MAK16: variants seen among roughly 807,000 people sequenced by gnomAD.
MAK16 encodes the protein MAK16 homolog.
MAK16 carries 12 observed loss-of-function variants against 49.9 expected under a neutral mutation model. The observed-to-expected ratio is 0.24, with a 90% CI of 0.15 to 0.39. MAK16 has a LOEUF of 0.39. MAK16 is among the 10% of genes least tolerant of loss of function. MAK16 has a pLI of 1.00. For synonymous variants in MAK16, 115 were observed against 126.4 expected (o/e 0.91, Z 0.60); for missense variants, 292 against 363.7 (o/e 0.80, Z 1.60).
At chr8:33,487,666 G>A (rs1327620830) in intron 1 of MAK16, among the ~76,000 whole-genome samples, 4 of 123,240 alleles carry the variant, frequency 3.2e-5, no homozygotes, top group Admixed American at 8.3e-5. Context: ...CAAGTGATCC[G>A]CCTGCCTTGG....
intron 6 of MAK16, among the ~76,000 whole-genome samples, chr8:33,493,929 T>C (rs1808815952): frequency 6.6e-6 from 1 of 152,172 alleles, no homozygotes; most frequent in Non-Finnish European, 1.5e-5. Flanking sequence ...TTTTTTTTTT[T>C]TCAAAAAACA....
At position 33,488,817 on chromosome 8, in the gene MAK16, C is replaced by G; in HGVS notation, c.240+19C>G. The G allele has an allele frequency of 6.2e-7, 1 of 1,613,606 alleles. No homozygotes were observed. Among genetic ancestry groups the G allele is most frequent in the Non-Finnish European group, 8.5e-7 (1 of 1,179,518 alleles). On this transcript the variant is annotated intron_variant, in intron 4 of 9. Transcript: ENST00000360128. The stretch of plus-strand genomic sequence containing the variant: ...GGAACGGGTAAGCCTTACAACAAAA[C>G]TACAGTGACCGCTGATCAAGAGCAT...
In MAK16 at chr8:33,488,944, A is replaced by G. The variant is rs575394850; in HGVS notation, c.241-44A>G. ...GTCACTGACAGTGAAAACCTAATGA[A>G]TCATTTACACTTGCCCTTCAAACTT... is the stretch of plus-strand genomic sequence containing the variant. On this transcript the variant is annotated intron_variant, in intron 4 of 9. Coordinates refer to ENST00000360128, the MANE Select transcript of MAK16 (RefSeq NM_032509.4). 17 of 1,613,248 alleles carry G rather than the reference A, an allele frequency of 1.1e-5. No individual in the cohort carries two copies. In the East Asian group the frequency reaches 3.8e-4, roughly 36 times the overall value.
chr8:33,498,271 CAAAAAAAAA>C (rs35740010), intron 9 of MAK16, among the ~76,000 whole-genome samples, 152 bp from the exon 10 acceptor site: 7 of 85,782 alleles, frequency 8.2e-5, no homozygotes, highest in Non-Finnish European at 1.5e-4. Context: ...GACCCCGTCT[CAAAAAAAAA>C]AAAAAAAAAA....
At chr8:33,497,129 T>C in intron 8 of MAK16, 103 bp from the exon 9 acceptor site, 1 of 860,832 alleles carries the variant, frequency 1.2e-6, no homozygotes, top group Non-Finnish European at 1.8e-6. Flanking sequence ...CATTGCCTAG[T>C]GAAAAGACTG....
In MAK16 at chr8:33,490,274, C is replaced by T; in HGVS notation, c.393-11C>T. ...GACAGTGGATTTTCTGATATATTTTCTTTCCCTTAGGAGGAAACTTGTTCC... is the reference window on the plus strand; with the variant it reads ...GACAGTGGATTTTCTGATATATTTTTTTTCCCTTAGGAGGAAACTTGTTCC... On this transcript the variant is annotated splice_polypyrimidine_tract_variant and intron_variant, in intron 5 of 9. Transcript: ENST00000360128. 6.2e-7 allele frequency: 1 copy of T among 1,608,414 alleles called. No homozygotes were observed. Among genetic ancestry groups the T allele is most frequent in the Non-Finnish European group, 8.5e-7 (1 of 1,175,466 alleles).
intron 5 of MAK16, 55 bp from the exon 6 acceptor site, chr8:33,490,229 TA>T: frequency 2.8e-6 from 4 of 1,440,638 alleles, no homozygotes; most frequent in South Asian, 1.2e-5. Flanking sequence ...TTCTCATCCT[TA>T]AAAAGGAACA....
Position 33,485,204 on chromosome 8 carries a change from A to G in MAK16, c.-3A>G. 1.9e-6 allele frequency: 3 copies of G among 1,614,132 alleles called. No individual in the cohort carries two copies. The highest frequency in any genetic ancestry group is 4.5e-5 in the East Asian group (2 of 44,862). Reference sequence around the variant, plus strand: ...GGAAGTTGCACGCTGAGCCGCGGACACCATGCAGTCGGATGATGTGAGTCT... The same window carrying G: ...GGAAGTTGCACGCTGAGCCGCGGACGCCATGCAGTCGGATGATGTGAGTCT... On this transcript the variant is annotated 5_prime_UTR_variant, in exon 1 of 10. Coordinates refer to ENST00000360128, the MANE Select transcript of MAK16 (RefSeq NM_032509.4).
At chr8:33,495,639 G>T in intron 7 of MAK16, 23 bp downstream of exon 7, 2 of 1,534,844 alleles carry the variant, frequency 1.3e-6, no homozygotes, top group Non-Finnish European at 1.8e-6. Context: ...TTAGCTTTGG[G>T]GTACTGAAAT....
At position 33,490,359 on chromosome 8, in the gene MAK16, T is replaced by C. The variant is rs1207909123; in HGVS notation, c.447+20T>C. Reference sequence around the variant, plus strand: ...AGAGAGGTAACTTATTGTTGAGATATTCATACCTTCTACATTTTCTTTCTG... The same window carrying C: ...AGAGAGGTAACTTATTGTTGAGATACTCATACCTTCTACATTTTCTTTCTG... On this transcript the variant is annotated intron_variant, in intron 6 of 9. Coordinates refer to ENST00000360128, the MANE Select transcript of MAK16 (RefSeq NM_032509.4). 1.2e-6 allele frequency: 2 copies of C among 1,601,644 alleles called. No homozygotes were observed. Among genetic ancestry groups the C allele is most frequent in the Non-Finnish European group, 1.7e-6 (2 of 1,169,424 alleles).
chr8:33,498,043 C>T (rs979799823), intron 9 of MAK16, among the ~76,000 whole-genome samples: 1 of 150,600 alleles, frequency 6.6e-6, no homozygotes, highest in African/African-American at 2.4e-5. Context: ...TTGCAGTGAG[C>T]TGAGAGCGCA....
At chr8:33,488,821 A>G (rs769939841) in intron 4 of MAK16, 23 bp downstream of exon 4, 4 of 1,613,430 alleles carry the variant, frequency 2.5e-6, no homozygotes, top group African/African-American at 1.3e-5. Context: ...ACAAAACTAC[A>G]GTGACCGCTG....
At position 33,498,741 on chromosome 8, in the gene MAK16, C is replaced by A; in HGVS notation, c.*112C>A. 1.1e-6 allele frequency: 1 copy of A among 886,944 alleles called. No individual in the cohort carries two copies. The highest frequency in any genetic ancestry group is 1.7e-6 in the Non-Finnish European group (1 of 585,212). The allele number at this position is 886,944 out of a possible 1,614,324, so 54.9% of individuals were successfully genotyped here. On this transcript the variant is annotated 3_prime_UTR_variant, in exon 10 of 10. Coordinates refer to ENST00000360128, the MANE Select transcript of MAK16 (RefSeq NM_032509.4). Reference sequence around the variant, plus strand: ...TTTTGCTCTTTTGTGTTGTACTGAACACAATATTTGTGTTTTTATTATTTA... The same window carrying A: ...TTTTGCTCTTTTGTGTTGTACTGAAAACAATATTTGTGTTTTTATTATTTA...
At position 33,500,446 on chromosome 8, in the gene MAK16, A is replaced by G; in HGVS notation, c.*1817A>G. 6.2e-7 allele frequency: 1 copy of G among 1,614,124 alleles called. No individual in the cohort carries two copies. Among genetic ancestry groups the G allele is most frequent in the East Asian group, 2.2e-5 (1 of 44,884 alleles). ...TGGATCCCTTGCTACATCACAAATC[A>G]GTTTCAAGAGGGCCTTCAGTAAGAC... is the stretch of plus-strand genomic sequence containing the variant. On this transcript the variant is annotated 3_prime_UTR_variant, in exon 10 of 10. Transcript: ENST00000360128.
At position 33,489,055 on chromosome 8, in the gene MAK16, G is replaced by A. The variant is rs766071012; in HGVS notation, c.308G>A (p.Arg103His). The change falls in exon 5 of 10, where the codon CGT becomes CAT. Residue 103 changes from arginine (R) to histidine (H), a missense_variant. Coordinates refer to ENST00000360128, the MANE Select transcript of MAK16 (RefSeq NM_032509.4). The surrounding 1 kb of genome is among the most constrained non-coding windows in gnomAD (Gnocchi z 4.2). Reference protein sequence around the residue: ...QIDENLIYWPRFIRHKCKQRF... With the variant: ...QIDENLIYWPHFIRHKCKQRF... ...GATGAAAATCTGATTTACTGGCCCCGTTTCATTCGACACAAATGTAAGCAG... is the reference window on the plus strand; with the variant it reads ...GATGAAAATCTGATTTACTGGCCCCATTTCATTCGACACAAATGTAAGCAG... 2.5e-5 allele frequency: 40 copies of A among 1,613,796 alleles called. No individual in the cohort carries two copies. The highest frequency in any genetic ancestry group is 4.5e-5 in the East Asian group (2 of 44,860).
intron 1 of MAK16, 142 bp from the exon 2 acceptor site, chr8:33,488,236 T>C (rs1808718922): frequency 1.0e-6 from 1 of 957,758 alleles, no homozygotes. Context: ...CCTTGCTGTT[T>C]GTATTTTAAA....
Position 33,496,625 on chromosome 8 carries a change from T to C in MAK16, c.523T>C (p.Tyr175His). The C allele has an allele frequency of 6.2e-7, 1 of 1,610,340 alleles. No individual in the cohort carries two copies. Among genetic ancestry groups the C allele is most frequent in the South Asian group, 1.1e-5 (1 of 90,828 alleles). ...ELLERLKQDT[Y>H]GDIYNFPIHA... ...GCCAATCTGTGTTTATGTTCTTCAG[T>C]ATGGCGACATCTACAACTTCCCCAT... is the stretch of plus-strand genomic sequence containing the variant. The change falls in exon 8 of 10, where the codon TAT becomes CAT. Residue 175 changes from tyrosine to histidine, a missense_variant and splice_region_variant. Tyr to His is a moderately conservative substitution (Grantham distance 83). Coordinates refer to ENST00000360128, the MANE Select transcript of MAK16 (RefSeq NM_032509.4).
At chr8:33,490,394 TATAG>T (rs1408174666) in intron 6 of MAK16, 55 bp downstream of exon 6, 10 of 1,398,758 alleles carry the variant, frequency 7.1e-6, no homozygotes. Context: ...GGGGGTCTCT[TATAG>T]ATTCAGTCAC....
Position 33,488,645 on chromosome 8 carries a change from TA to T in MAK16, c.175+18del, listed in dbSNP as rs1388975234. 4.3e-6 allele frequency: 7 copies of T among 1,613,160 alleles called. No individual in the cohort carries two copies. The highest frequency in any genetic ancestry group is 1.3e-5 in the African/African-American group (1 of 74,932). ...GAAGAGAAAGGTAACTCCCCAGTTT[TA>T]ACTTCTAGAAGAACTGCTCCACAGC... On this transcript the variant is annotated intron_variant, in intron 3 of 9. Coordinates refer to ENST00000360128, the MANE Select transcript of MAK16 (RefSeq NM_032509.4).
Sources: allele counts gnomAD v4.1 joint callset (sites outside exome capture counted in the v4.1 genomes callset), GRCh38; gene constraint gnomAD v4.1.1; non-coding constraint Gnocchi (gnomAD v3.1); transcripts MANE v1.5; gene names NCBI Gene and HGNC (gene_info 2026-07-23, HGNC 2026-07-21).